The following TXNDC16 variants were observed in gnomAD, a reference collection of about 807,000 sequenced individuals.
TXNDC16 encodes the protein thioredoxin domain-containing protein 16.
In TXNDC16, 74 loss-of-function variants were observed where a neutral mutation model predicts 85.6. That is an observed-to-expected ratio of 0.86 (90% CI 0.72 to 1.05). The LOEUF (loss-of-function observed/expected upper bound fraction) is 1.05. TXNDC16 is among the 50% of genes least tolerant of loss of function. The probability of loss-of-function intolerance (pLI) is 0.00; values close to 1 mark genes in which losing one functional copy is unlikely to be tolerated. For synonymous variants in TXNDC16, 335 were observed against 326.5 expected, an observed-to-expected ratio of 1.03 and a Z score of -0.28; for missense variants, 959 against 947.0, an observed-to-expected ratio of 1.01 and a Z score of -0.17.
chr14:52,543,686 G>C, intron 2 of TXNDC16, 56 bp from the exon 3 acceptor site: 2 of 1,023,946 alleles, frequency 2.0e-6, no homozygotes, highest in Non-Finnish European at 2.8e-6. Context: ...TTAAATGAAT[G>C]AATGAAGTAA....
chr14:52,536,701 T>G lies in TXNDC16; in HGVS notation c.392+18A>C. 1 of 1,587,700 alleles carries G rather than the reference T, an allele frequency of 6.3e-7. No homozygotes were observed. The highest frequency in any genetic ancestry group is 8.6e-7 in the Non-Finnish European group (1 of 1,163,090). ...TAAGTAACAAGTAAACAAATGAATG[T>G]GTAGCCCCTGTACTTACAAGAGAAC... On this transcript the variant is annotated intron_variant, in intron 6 of 20. Coordinates refer to ENST00000281741, the MANE Select transcript of TXNDC16 (RefSeq NM_020784.3).
chr14:52,501,452 T>C (rs2036657107), intron 9 of TXNDC16, among the ~76,000 whole-genome samples: 1 of 152,182 alleles, frequency 6.6e-6, no homozygotes, highest in Admixed American at 6.5e-5. Flanking sequence ...TTATTTCAGA[T>C]CCTGAACCCA....
chr14:52,468,680 C>A (rs192891681), intron 16 of TXNDC16, among the ~76,000 whole-genome samples: 21 of 152,124 alleles, frequency 1.4e-4, no homozygotes, highest in African/African-American at 5.1e-4. Flanking sequence ...GAGTTTGAGA[C>A]CAGCCTGGGC....
At chr14:52,452,696 C>T (rs966948662) in intron 18 of TXNDC16, among the ~76,000 whole-genome samples, 2 of 152,100 alleles carry the variant, frequency 1.3e-5, no homozygotes, top group Admixed American at 6.6e-5. Flanking sequence ...GGATTCCAGA[C>T]GTAAATCTAA....
intron 16 of TXNDC16, among the ~76,000 whole-genome samples, chr14:52,462,349 TC>T (rs1238171530): frequency 1.3e-5 from 2 of 152,194 alleles, no homozygotes; most frequent in Non-Finnish European, 2.9e-5. Flanking sequence ...AGACTCTCAC[TC>T]CATCATCCAG....
At chr14:52,545,354 C>T (rs2037920154) in intron 1 of TXNDC16, among the ~76,000 whole-genome samples, 1 of 152,030 alleles carries the variant, frequency 6.6e-6, no homozygotes, top group Admixed American at 6.6e-5. Flanking sequence ...TGCTTTTAAT[C>T]GGTTAGAGAC....
chr14:52,499,741 G>T (rs561321399), intron 9 of TXNDC16, among the ~76,000 whole-genome samples: 1 of 152,026 alleles, frequency 6.6e-6, no homozygotes, highest in Non-Finnish European at 1.5e-5. Flanking sequence ...TCATCCCTCA[G>T]TATCCATAAG....
Position 52,549,386 on chromosome 14 carries a change from C to T in TXNDC16, c.-182+2930G>A, listed in dbSNP as rs147598525. 2.2e-3 allele frequency among the ~76,000 whole-genome samples: 339 copies of T among 152,250 alleles called. 2 individuals are homozygous for T. The highest frequency in any genetic ancestry group is 7.9e-3 in the African/African-American group (328 of 41,550). ...GACAATAGTAGAAAAAGGGCTAAAG[C>T]GTGCACATAAAATGTTAAAGGCGAC... is the stretch of plus-strand genomic sequence containing the variant. On this transcript the variant is annotated intron_variant, in intron 1 of 20. Transcript: ENST00000281741.
intron 16 of TXNDC16, among the ~76,000 whole-genome samples, chr14:52,460,350 C>T (rs758770733): frequency 3.9e-5 from 6 of 152,070 alleles, no homozygotes; most frequent in Non-Finnish European, 8.8e-5. Flanking sequence ...GCCATACTGC[C>T]CAAAGCAATC....
chr14:52,510,436 A>G (rs1046685158), intron 9 of TXNDC16, among the ~76,000 whole-genome samples: 1 of 152,236 alleles, frequency 6.6e-6, no homozygotes, highest in Non-Finnish European at 1.5e-5. Flanking sequence ...CTCAAATAAC[A>G]TTAGATATCT....
intron 6 of TXNDC16, among the ~76,000 whole-genome samples, chr14:52,525,431 C>G (rs1406643944): frequency 1.3e-5 from 2 of 151,792 alleles, no homozygotes; most frequent in South Asian, 2.1e-4. Context: ...GTGGCTCACA[C>G]CTGTAATCCC....
intron 16 of TXNDC16, among the ~76,000 whole-genome samples, chr14:52,467,036 C>T (rs984139325): frequency 6.6e-6 from 1 of 151,546 alleles, no homozygotes; most frequent in African/African-American, 2.4e-5. Context: ...AGACTTGACT[C>T]TATATTCAAC....
intron 1 of TXNDC16, among the ~76,000 whole-genome samples, chr14:52,550,733 G>A (rs575189260): frequency 7.2e-5 from 11 of 152,348 alleles, no homozygotes; most frequent in African/African-American, 2.6e-4. Flanking sequence ...TATGGAAGAT[G>A]CAAATAGGCC....
chr14:52,529,663 C>T (rs1326386257), intron 6 of TXNDC16, among the ~76,000 whole-genome samples: 2 of 90,266 alleles, frequency 2.2e-5, no homozygotes, highest in African/African-American at 5.0e-5. Context: ...ATATATAATG[C>T]CTATTATATA....
In TXNDC16 at chr14:52,537,619, C is replaced by T; in HGVS notation, c.297G>A (p.Leu99=). 6.3e-7 allele frequency: 1 copy of T among 1,589,902 alleles called. No individual in the cohort carries two copies. Among genetic ancestry groups the T allele is most frequent in the Non-Finnish European group, 8.6e-7 (1 of 1,159,908 alleles). Residue 99 remains leucine, a synonymous_variant, in exon 5 of 21, where the codon TTG becomes TTA. Coordinates refer to ENST00000281741, the MANE Select transcript of TXNDC16 (RefSeq NM_020784.3). The stretch of plus-strand genomic sequence containing the variant: ...CTTACTTGAATAAATATGCTTTCAT[C>T]AAATCCTTTTCTTTTCCACAGTATC... ...ISRYCGKEKD[L]MKAYLFKGNI... is the part of the protein sequence containing the mutation.
At position 52,455,342 on chromosome 14, in the gene TXNDC16, ATC is replaced by A; in HGVS notation, c.1822_1823del (p.Asp608CysfsTer30). 1.2e-6 allele frequency: 2 copies of A among 1,613,676 alleles called. No individual in the cohort carries two copies. Among genetic ancestry groups the A allele is most frequent in the Non-Finnish European group, 1.7e-6 (2 of 1,179,808 alleles). On this transcript the variant is annotated frameshift_variant, in exon 18 of 21. Transcript: ENST00000281741. LOFTEE classifies it high-confidence loss of function. Reference sequence around the variant, plus strand: ...TACTCACAAACATTTCCAGTAGTGCATCTGTTATTATTTGAACTATGTCTTGT... The same window carrying A: ...TACTCACAAACATTTCCAGTAGTGCATGTTATTATTTGAACTATGTCTTGT... Reference protein sequence around the residue: ...HAQDIVQIITDALLEMFPEIT... With the variant: ...HAQDIVQIITXALLEMFPEIT...
chr14:52,550,330 A>G (rs2038019349), intron 1 of TXNDC16, among the ~76,000 whole-genome samples: 1 of 152,208 alleles, frequency 6.6e-6, no homozygotes, highest in South Asian at 2.1e-4. Flanking sequence ...CTGCTACTGG[A>G]GAACAGAACC....
intron 14 of TXNDC16, among the ~76,000 whole-genome samples, chr14:52,474,209 T>C (rs533400305): frequency 6.6e-6 from 1 of 152,346 alleles, no homozygotes; most frequent in South Asian, 2.1e-4. Flanking sequence ...TATTTTTCCA[T>C]TTTCATCTGG....
intron 14 of TXNDC16, among the ~76,000 whole-genome samples, chr14:52,478,039 T>A (rs562691570): frequency 6.6e-6 from 1 of 152,212 alleles, no homozygotes; most frequent in South Asian, 2.1e-4. Context: ...TTCAAAACCA[T>A]GCAAATACAT....
Sources: allele counts gnomAD v4.1 joint callset (sites outside exome capture counted in the v4.1 genomes callset), GRCh38; gene constraint gnomAD v4.1.1; transcripts MANE v1.5; gene names NCBI Gene and HGNC (gene_info 2026-07-23, HGNC 2026-07-21).